Variants in ZNF704 observed in about 807,000 individuals in gnomAD.
ZNF704 encodes the protein zinc finger protein 704, also known as glucocorticoid induced gene 1.
ZNF704 carries 10 observed loss-of-function variants against 44.7 expected under a neutral mutation model. The ratio of observed to expected loss-of-function variants is 0.22; its 90% CI spans 0.14 to 0.38. The LOEUF is 0.38. Ranked by LOEUF, ZNF704 falls within the 10% of genes least tolerant of loss-of-function variation. ZNF704 has a pLI of 1.00. For missense variants in ZNF704, 390 were observed against 545.5 expected, an observed-to-expected ratio of 0.71 and a Z score of 2.84; for synonymous variants, 211 against 207.6, an observed-to-expected ratio of 1.02 and a Z score of -0.14.
In ZNF704 at chr8:80,748,716, A is replaced by T. The variant is rs182000701; in HGVS notation, c.222-55609T>A. Among the ~76,000 whole-genome samples, 366 of 152,326 alleles carry T rather than the reference A, an allele frequency of 2.4e-3. 1 individual carries two copies. Among genetic ancestry groups the T allele is most frequent in the Admixed American group, 5.9e-3 (91 of 15,300 alleles). On this transcript the variant is annotated intron_variant, in intron 2 of 8. Coordinates refer to ENST00000327835, the MANE Select transcript of ZNF704 (RefSeq NM_001033723.3). Reference sequence around the variant, plus strand: ...GAATAGGAAAAAGTTCTAGAAACAGAAAGATTGGTGAGGGGAACTTGGCTT... The same window carrying T: ...GAATAGGAAAAAGTTCTAGAAACAGTAAGATTGGTGAGGGGAACTTGGCTT...
chr8:80,853,470 T>C (rs1157930117), intron 1 of ZNF704, among the ~76,000 whole-genome samples: 3 of 151,982 alleles, frequency 2.0e-5, no homozygotes, highest in Non-Finnish European at 4.4e-5. Flanking sequence ...ATTGCTTCTA[T>C]AATAAGAAAA....
chr8:80,840,764 T>C (rs185479186), intron 1 of ZNF704, among the ~76,000 whole-genome samples: 2 of 152,310 alleles, frequency 1.3e-5, no homozygotes, highest in Non-Finnish European at 2.9e-5. Flanking sequence ...CAAAAAACCA[T>C]GCTTTCTCCA....
intron 2 of ZNF704, among the ~76,000 whole-genome samples, chr8:80,753,269 C>T (rs986944604): frequency 7.2e-5 from 11 of 152,150 alleles, no homozygotes; most frequent in Admixed American, 2.6e-4. Flanking sequence ...CAGCCAGGAG[C>T]GCCTGAGGCT....
intron 1 of ZNF704, among the ~76,000 whole-genome samples, chr8:80,843,596 A>T (rs1808716394): frequency 6.6e-6 from 1 of 152,234 alleles, no homozygotes; most frequent in Non-Finnish European, 1.5e-5. Context: ...CACTATATAA[A>T]CACCTTCTGT....
At chr8:80,804,429 G>A (rs1164929492) in intron 2 of ZNF704, among the ~76,000 whole-genome samples, 1 of 152,030 alleles carries the variant, frequency 6.6e-6, no homozygotes, top group African/African-American at 2.4e-5. Context: ...CAACCTAAAT[G>A]CCCATCAATT....
chr8:80,811,236 C>T (rs975204076), intron 2 of ZNF704, among the ~76,000 whole-genome samples: 1 of 152,072 alleles, frequency 6.6e-6, no homozygotes, highest in African/African-American at 2.4e-5. Context: ...TGGAAAGTGT[C>T]TCATTAATGA....
At chr8:80,698,114 A>G (rs1818754462) in intron 2 of ZNF704, among the ~76,000 whole-genome samples, 1 of 152,250 alleles carries the variant, frequency 6.6e-6, no homozygotes, top group African/African-American at 2.4e-5. Flanking sequence ...CTCTTGGAGC[A>G]CTAGGGCTGT....
chr8:80,747,351 A>G (rs951406566), intron 2 of ZNF704, among the ~76,000 whole-genome samples: 2 of 152,058 alleles, frequency 1.3e-5, no homozygotes, highest in African/African-American at 4.8e-5. Context: ...GGACTTGAAT[A>G]TAGTTTATAC....
intron 2 of ZNF704, among the ~76,000 whole-genome samples, chr8:80,794,508 G>T (rs10504719): frequency 0.22 from 33,618 of 152,090 alleles, 5,354 homozygotes; most frequent in African/African-American, 0.45. Context: ...TACTCTTCAT[G>T]AGACAAATCA....
intron 2 of ZNF704, among the ~76,000 whole-genome samples, chr8:80,707,398 G>A (rs375145639): frequency 6.6e-5 from 10 of 152,066 alleles, no homozygotes; most frequent in Admixed American, 3.9e-4. Context: ...ATTATAGGCC[G>A]ACTACTCATT....
At chr8:80,849,509 T>C (rs1808822842) in intron 1 of ZNF704, among the ~76,000 whole-genome samples, 1 of 152,150 alleles carries the variant, frequency 6.6e-6, no homozygotes. Context: ...TCCCACAGAC[T>C]CTAGATTTAA....
At chr8:80,710,687 G>C (rs1818971981) in intron 2 of ZNF704, among the ~76,000 whole-genome samples, 1 of 152,108 alleles carries the variant, frequency 6.6e-6, no homozygotes, top group South Asian at 2.1e-4. Context: ...GCAAAAGGTA[G>C]CTATGTGCAA....
chr8:80,721,951 C>A (rs921997933), intron 2 of ZNF704, among the ~76,000 whole-genome samples: 2 of 152,102 alleles, frequency 1.3e-5, no homozygotes, highest in African/African-American at 4.8e-5. Flanking sequence ...AGAAAGACTG[C>A]CTTGGCCAGG....
chr8:80,769,373 G>C (rs75253848), intron 2 of ZNF704, among the ~76,000 whole-genome samples: 3,174 of 152,272 alleles, frequency 0.021, 110 homozygotes, highest in African/African-American at 0.072. Flanking sequence ...GTATTAGTCT[G>C]TTTTCACACT....
At chr8:80,814,053 T>C (rs1331319848) in intron 2 of ZNF704, 1 of 152,106 alleles carries the variant, frequency 6.6e-6, no homozygotes, top group Non-Finnish European at 1.5e-5. Context: ...CAGAAATTCA[T>C]CTACAGGCAC....
upstream of ZNF704, among the ~76,000 whole-genome samples, chr8:80,877,993 C>T (rs191516418): frequency 3.3e-5 from 5 of 152,308 alleles, no homozygotes; most frequent in Non-Finnish European, 4.4e-5. Flanking sequence ...AATGAAAACT[C>T]GCAGCCCTGG....
intron 2 of ZNF704, among the ~76,000 whole-genome samples, chr8:80,757,690 C>T (rs1807059767): frequency 6.6e-6 from 1 of 152,194 alleles, no homozygotes; most frequent in African/African-American, 2.4e-5. Context: ...AAATGCCCTA[C>T]ACAGGTATAC....
At chr8:80,869,350 C>T (rs1333265518) in intron 1 of ZNF704, among the ~76,000 whole-genome samples, 2 of 152,332 alleles carry the variant, frequency 1.3e-5, no homozygotes, top group Admixed American at 1.3e-4. Flanking sequence ...CTCCCTAGTA[C>T]ATTTGCTCTC....
rs373168168 is a variant in ZNF704 at position 80,671,557 on chromosome 8, AT to A, written c.559-955del. 2.6e-3 allele frequency among the ~76,000 whole-genome samples: 402 copies of A among 152,348 alleles called. 3 individuals are homozygous for A. Among genetic ancestry groups the A allele is most frequent in the African/African-American group, 9.2e-3 (383 of 41,570 alleles). On this transcript the variant is annotated intron_variant, in intron 4 of 8. Transcript: ENST00000327835. Reference sequence around the variant, plus strand: ...TTCAACCAACAGCAGCTATTACAGGATTATTATGATTATGCATCCTAGAGTA... The same window carrying A: ...TTCAACCAACAGCAGCTATTACAGGATATTATGATTATGCATCCTAGAGTA...
Sources: gnomAD v4.1 joint callset for allele counts (sites outside exome capture counted in the v4.1 genomes callset) on GRCh38, gnomAD v4.1.1 for gene constraint, MANE v1.5 for transcripts, NCBI Gene and HGNC (gene_info 2026-07-23, HGNC 2026-07-21) for gene names.